NR6A1: variants seen among roughly 807,000 people sequenced by gnomAD.
NR6A1 encodes retinoic acid receptor-related testis-associated receptor.
Under a neutral mutation model 59.1 loss-of-function variants are expected in NR6A1, and 7 were observed. That is an observed-to-expected ratio of 0.12 (90% CI 0.07 to 0.22). NR6A1 has a LOEUF of 0.22. NR6A1 is among the 10% of genes least tolerant of loss of function. The pLI is 1.00. For synonymous variants in NR6A1, 243 were observed against 236.1 expected (o/e 1.03, Z -0.27); for missense variants, 468 against 611.6 (o/e 0.77, Z 2.48).
intron 2 of NR6A1, among the ~76,000 whole-genome samples, chr9:124,731,825 T>C (rs183273959): frequency 6.6e-6 from 1 of 152,360 alleles, no homozygotes; most frequent in Admixed American, 6.5e-5. Context: ...GATTATGTTA[T>C]CGGCCAGGCT....
intron 2 of NR6A1, among the ~76,000 whole-genome samples, chr9:124,718,988 T>G (rs1050053669): frequency 2.6e-5 from 4 of 151,934 alleles, no homozygotes; most frequent in Admixed American, 2.6e-4. Context: ...TTATCCAATT[T>G]TTTTTACTAT....
At chr9:124,535,436 G>A (rs1480754019) in intron 7 of NR6A1, among the ~76,000 whole-genome samples, 1 of 152,002 alleles carries the variant, frequency 6.6e-6, no homozygotes, top group African/African-American at 2.4e-5. Context: ...AAATTAGCCA[G>A]GTGTGGTGGC....
At chr9:124,533,197 G>C (rs1833149433) in intron 7 of NR6A1, among the ~76,000 whole-genome samples, 2 of 152,186 alleles carry the variant, frequency 1.3e-5, no homozygotes, top group South Asian at 4.1e-4. Context: ...TGGGATCCTT[G>C]GGCCAGCTCT....
At chr9:124,713,512 T>C (rs1839339467) in intron 2 of NR6A1, among the ~76,000 whole-genome samples, 1 of 152,106 alleles carries the variant, frequency 6.6e-6, no homozygotes, top group Admixed American at 6.6e-5. Context: ...GAGATTAATA[T>C]ACAGAACACA....
chr9:124,644,337 C>T (rs1163805283), intron 2 of NR6A1, among the ~76,000 whole-genome samples: 2 of 139,066 alleles, frequency 1.4e-5, no homozygotes, highest in Non-Finnish European at 3.0e-5. Flanking sequence ...AGTCAACCTA[C>T]GTCTCCTGGG....
intron 1 of NR6A1, chr9:124,770,359 T>C (rs1368097900): frequency 9.2e-6 from 1 of 108,910 alleles, no homozygotes; most frequent in Non-Finnish European, 1.9e-5. Context: ...AGGAAACGAC[T>C]GGGGGATGTC....
chr9:124,532,144 T>TTCTCCCCTCATTTCTCTGTCTTAGATACA (rs1833118671), intron 7 of NR6A1, among the ~76,000 whole-genome samples: 2 of 152,208 alleles, frequency 1.3e-5, no homozygotes, highest in Admixed American at 1.3e-4. Flanking sequence ...CTCTAGTCAA[T>TTCTCCCCTCATTTCTCTGTCTTAGATACA]TCTCCCCTCA....
chr9:124,548,575 C>CT (rs1212464350), intron 3 of NR6A1, among the ~76,000 whole-genome samples: 1 of 152,162 alleles, frequency 6.6e-6, no homozygotes, highest in African/African-American at 2.4e-5. Context: ...ACTTTGATTT[C>CT]TTTAAGATTC....
intron 2 of NR6A1, among the ~76,000 whole-genome samples, chr9:124,646,792 T>C (rs1194802643): frequency 6.6e-6 from 1 of 152,194 alleles, no homozygotes; most frequent in Non-Finnish European, 1.5e-5. Flanking sequence ...AACCAATTCT[T>C]TGAAAGGCAC....
intron 2 of NR6A1, among the ~76,000 whole-genome samples, chr9:124,580,501 T>C (rs1834733005): frequency 6.6e-6 from 1 of 151,868 alleles, no homozygotes. Flanking sequence ...AAAAGCACAA[T>C]AGCCAAGGCA....
intron 2 of NR6A1, among the ~76,000 whole-genome samples, chr9:124,639,917 C>T (rs1287988979): frequency 6.6e-6 from 1 of 152,116 alleles, no homozygotes. Context: ...GAACATTTTT[C>T]ACTTAGATAG....
intron 2 of NR6A1, among the ~76,000 whole-genome samples, chr9:124,684,686 T>C (rs1002363679): frequency 5.3e-5 from 8 of 152,164 alleles, no homozygotes; most frequent in Non-Finnish European, 1.2e-4. Context: ...TAGTCATCTT[T>C]GATTAAAGAA....
intron 1 of NR6A1, among the ~76,000 whole-genome samples, chr9:124,743,625 T>C (rs532379842): frequency 6.6e-6 from 1 of 152,324 alleles, no homozygotes; most frequent in Non-Finnish European, 1.5e-5. Context: ...ATTACAGCCT[T>C]GAAACCAGAC....
intron 2 of NR6A1, among the ~76,000 whole-genome samples, chr9:124,653,858 A>G (rs546065342): frequency 6.6e-6 from 1 of 152,368 alleles, no homozygotes; most frequent in Non-Finnish European, 1.5e-5. Flanking sequence ...TCAGATTTCC[A>G]GAAGTATGTC....
chr9:124,705,615 C>T (rs1839103244), intron 2 of NR6A1, among the ~76,000 whole-genome samples: 1 of 152,156 alleles, frequency 6.6e-6, no homozygotes, highest in South Asian at 2.1e-4. Flanking sequence ...TTTATTCAGG[C>T]TAACCATCTC....
At chr9:124,579,288 G>T (rs920976469) in intron 2 of NR6A1, among the ~76,000 whole-genome samples, 41 of 151,862 alleles carry the variant, frequency 2.7e-4, no homozygotes, top group African/African-American at 1.0e-3. Flanking sequence ...GTGGTGGCAT[G>T]CACCTGTGGT....
At chr9:124,610,004 T>C (rs1835693384) in intron 2 of NR6A1, among the ~76,000 whole-genome samples, 1 of 152,224 alleles carries the variant, frequency 6.6e-6, no homozygotes, top group Admixed American at 6.5e-5. Context: ...AAGAAGCTTT[T>C]GGGCAGAAAT....
intron 1 of NR6A1, among the ~76,000 whole-genome samples, chr9:124,749,582 G>A (rs937479880): frequency 1.3e-5 from 2 of 151,952 alleles, no homozygotes; most frequent in Non-Finnish European, 1.5e-5. Context: ...GACAGGTCTC[G>A]CTATGTTGCC....
At chr9:124,550,020 G>A (rs1833722650) in intron 3 of NR6A1, among the ~76,000 whole-genome samples, 1 of 152,036 alleles carries the variant, frequency 6.6e-6, no homozygotes, top group Non-Finnish European at 1.5e-5. Flanking sequence ...TGGGTATTTT[G>A]TCAAATGTCA....
Sources: allele counts gnomAD v4.1 joint callset (sites outside exome capture counted in the v4.1 genomes callset), GRCh38; gene constraint gnomAD v4.1.1; transcripts MANE v1.5; gene names NCBI Gene and HGNC (gene_info 2026-07-23, HGNC 2026-07-21).